The following IRAG2 variants were observed in gnomAD, a reference collection of about 807,000 sequenced individuals.
IRAG2 encodes the protein inositol 1,4,5-triphosphate receptor associated 2, also known as lymphoid restricted membrane protein.
In IRAG2, 45 loss-of-function variants were observed where a neutral mutation model predicts 69.9. That is an observed-to-expected ratio of 0.64 (90% confidence interval 0.51 to 0.83). IRAG2 has a LOEUF of 0.83. IRAG2 is among the 40% of genes least tolerant of loss of function. The pLI is 0.00. For synonymous variants in IRAG2, 193 were observed against 202.4 expected, an observed-to-expected ratio of 0.95 and a Z score of 0.40; for missense variants, 520 against 587.0, an observed-to-expected ratio of 0.89 and a Z score of 1.18.
chr12:25,078,930 A>T (rs1162059855), intron 6 of IRAG2, among the ~76,000 whole-genome samples: 1 of 152,254 alleles, frequency 6.6e-6, no homozygotes, highest in Non-Finnish European at 1.5e-5. Context: ...GTTTAAAGAA[A>T]ACTTGACTTA....
intron 10 of IRAG2, among the ~76,000 whole-genome samples, chr12:25,086,930 T>C (rs1693358): frequency 0.15 from 22,427 of 152,002 alleles, 1,795 homozygotes; most frequent in South Asian, 0.19. Flanking sequence ...CCTTAAAACA[T>C]ATCTATATGC....
At chr12:25,003,761 GT>G (rs1944410339), upstream of IRAG2, among the ~76,000 whole-genome samples, 3 of 152,064 alleles carry the variant, frequency 2.0e-5, no homozygotes, top group South Asian at 6.2e-4. Flanking sequence ...AGCTGATAGG[GT>G]TTATGTGAAA....
chr12:25,052,041 C>T (rs895050361), upstream of IRAG2, among the ~76,000 whole-genome samples: 8 of 152,048 alleles, frequency 5.3e-5, no homozygotes, highest in Admixed American at 2.6e-4. Flanking sequence ...TCAGGCTAAG[C>T]GACCAATAAG....
intron 9 of IRAG2, among the ~76,000 whole-genome samples, chr12:25,080,923 C>A (rs7976264): frequency 2.0e-5 from 3 of 152,142 alleles, no homozygotes; most frequent in African/African-American, 7.2e-5. Context: ...TGTAGGGAAT[C>A]TAACTTTTTG....
rs949687416 is a variant in IRAG2 at position 25,063,102 on chromosome 12, G to A, written c.-304+202G>A. Among the ~76,000 whole-genome samples the A allele has an allele frequency of 2.0e-5, 3 of 152,072 alleles. No individual in the cohort carries two copies. In the South Asian group the frequency reaches 6.2e-4, roughly 32 times the overall value. On this transcript the variant is annotated intron_variant, in intron 3 of 21. Coordinates refer to ENST00000556887, the MANE Select transcript of IRAG2 (RefSeq NM_001366544.2). ...ACACAAACCTAGTTGGTCCTTTGTC[G>A]CCCAGGCTGGAGTGCAGTGGTGCAA...
At chr12:25,079,493 G>A (rs1458294234) in intron 8 of IRAG2, 31 bp downstream of exon 8, 3 of 1,565,578 alleles carry the variant, frequency 1.9e-6, no homozygotes, top group Admixed American at 3.3e-5. Flanking sequence ...TATTAAAATA[G>A]ACTGTTAGTA....
intron 2 of IRAG2, chr12:25,005,453 C>T: frequency 2.1e-6 from 1 of 477,002 alleles, no homozygotes; most frequent in Non-Finnish European, 3.3e-6. Context: ...GTGTGGGTCT[C>T]ATTGTCTGCG....
In IRAG2 at chr12:25,046,714, G is replaced by T. The variant is rs189542329; in HGVS notation, c.2145-5521G>T. 1.5e-3 allele frequency among the ~76,000 whole-genome samples: 236 copies of T among 152,272 alleles called. 1 individual carries two copies. Among genetic ancestry groups the T allele is most frequent in the African/African-American group, 5.5e-3 (228 of 41,558 alleles). On this transcript the variant is annotated intron_variant, in intron 16 of 38. Coordinates refer to the IRAG2 transcript ENST00000636465. ...AATGAAAAGGCATCCTACGTTCATA[G>T]ATTGGAAGAGATCATGTTGTTTAAA...
intron 6 of IRAG2, among the ~76,000 whole-genome samples, chr12:25,075,330 C>T (rs1027207533): frequency 2.6e-5 from 4 of 152,032 alleles, no homozygotes; most frequent in African/African-American, 4.8e-5. Context: ...AAATAGTAAA[C>T]ATTACATTGG....
intron 3 of IRAG2, chr12:25,011,658 CT>C: frequency 1.4e-6 from 1 of 724,498 alleles, no homozygotes; most frequent in Non-Finnish European, 1.9e-6. Context: ...TTGTCCAGTG[CT>C]TTAGCATGCA....
exon 6 of IRAG2, chr12:25,017,144 G>C: frequency 1.6e-6 from 2 of 1,231,974 alleles, no homozygotes; most frequent in African/African-American, 1.6e-5. Context: ...AGAGGTGTCT[G>C]ATTTGATTGC....
intron 6 of IRAG2, among the ~76,000 whole-genome samples, chr12:25,020,356 T>C (rs1944568207): frequency 6.6e-6 from 1 of 152,228 alleles, no homozygotes; most frequent in Non-Finnish European, 1.5e-5. Flanking sequence ...CTCCATAGTA[T>C]GTAAGCTCTA....
At position 25,107,041 on chromosome 12, in the gene IRAG2, T is replaced by G. The variant is rs747676509; in HGVS notation, c.1247T>G (p.Val416Gly). 5.7e-6 allele frequency: 9 copies of G among 1,582,154 alleles called. No homozygotes were observed. The African/African-American group carries it at 9.5e-5, about 17-fold the overall frequency. Residue 416 changes from valine to glycine, a missense_variant, in exon 21 of 22, where the codon GTC becomes GGC. By Grantham distance (109) the Val-to-Gly change is moderately radical. Coordinates refer to ENST00000556887, the MANE Select transcript of IRAG2 (RefSeq NM_001366544.2). ...EKKNNPSKWD[V>G]SSVYDTIASW... is the part of the protein sequence containing the mutation. ...AAAAATAATCCATCAAAGTGGGATG[T>G]CTCTTCAGTGTAAGTTATCTACTTG... is the stretch of plus-strand genomic sequence containing the variant.
chr12:25,019,422 A>G (rs1944558396), intron 6 of IRAG2, among the ~76,000 whole-genome samples: 1 of 152,122 alleles, frequency 6.6e-6, no homozygotes, highest in Non-Finnish European at 1.5e-5. Flanking sequence ...GGGGAGCTGG[A>G]AAGGGGATGG....
chr12:25,103,776 G>A (rs1948881838), intron 17 of IRAG2, 61 bp from the exon 18 acceptor site: 2 of 1,165,502 alleles, frequency 1.7e-6, no homozygotes, highest in African/African-American at 1.5e-5. Flanking sequence ...ATTTATTGGT[G>A]TTGCATATAA....
At chr12:25,069,549 G>A (rs1946192881) in intron 6 of IRAG2, 118 bp downstream of exon 6, 2 of 870,300 alleles carry the variant, frequency 2.3e-6, no homozygotes, top group South Asian at 3.5e-5. Flanking sequence ...TATTCTTGTA[G>A]CAAGTCTGAG....
Position 25,101,330 on chromosome 12 carries a change from TAA to T in IRAG2, c.889+8_889+9del. 4 of 1,581,120 alleles carry T rather than the reference TAA, an allele frequency of 2.5e-6. No individual in the cohort carries two copies. The highest frequency in any genetic ancestry group is 3.4e-6 in the Non-Finnish European group (4 of 1,162,786). On this transcript the variant is annotated splice_donor_region_variant and intron_variant, in intron 16 of 21. Coordinates refer to ENST00000556887, the MANE Select transcript of IRAG2 (RefSeq NM_001366544.2). ...TCAATCCTCTTGAAGATGATGGTAA[TAA>T]AAGTTTATGATAATAGTATTAGTTG...
At chr12:25,025,213 G>A (rs974902995) in intron 8 of IRAG2, among the ~76,000 whole-genome samples, 2 of 152,204 alleles carry the variant, frequency 1.3e-5, no homozygotes, top group Non-Finnish European at 2.9e-5. Flanking sequence ...GCAGAAAACA[G>A]AACTGAGGCA....
intron 9 of IRAG2, among the ~76,000 whole-genome samples, chr12:25,027,787 T>C (rs1944635894): frequency 6.6e-6 from 1 of 152,208 alleles, no homozygotes; most frequent in African/African-American, 2.4e-5. Flanking sequence ...TCAGGCTGTT[T>C]TCACTTTCTG....
Sources: gnomAD v4.1 joint callset for allele counts (sites outside exome capture counted in the v4.1 genomes callset) on GRCh38, gnomAD v4.1.1 for gene constraint, MANE v1.5 for transcripts, NCBI Gene and HGNC (gene_info 2026-07-23, HGNC 2026-07-21) for gene names.